PCSK4: variants seen among roughly 807,000 people sequenced by gnomAD.
PCSK4 encodes testicular tissue protein Li 135.
A neutral mutation model predicts 80.3 loss-of-function variants in PCSK4; 64 were observed. The ratio of observed to expected loss-of-function variants is 0.80; its 90% CI spans 0.65 to 0.98. The LOEUF (loss-of-function observed/expected upper bound fraction) is 0.98. Ranked by LOEUF, PCSK4 falls within the 50% of genes least tolerant of loss-of-function variation. The pLI, the probability that PCSK4 is intolerant of heterozygous loss-of-function variation, is 0.00. For missense variants in PCSK4, 1,213 were observed against 1,093.6 expected, an observed-to-expected ratio of 1.11 and a Z score of -1.54; for synonymous variants, 561 against 487.6, an observed-to-expected ratio of 1.15 and a Z score of -1.98.
At chr19:1,489,656 C>G in intron 2 of PCSK4, 137 bp downstream of exon 2, 1 of 1,438,670 alleles carries the variant, frequency 7.0e-7, no homozygotes, top group Non-Finnish European at 9.2e-7. Flanking sequence ...GCTGTATAGA[C>G]TTGGGGCCCG....
At chr19:1,481,850 C>T in exon 15 of PCSK4, 2 of 1,573,804 alleles carry the variant, frequency 1.3e-6, no homozygotes, top group Non-Finnish European at 1.7e-6. Flanking sequence ...CATGGACATG[C>T]CGCAGAGGAC....
chr19:1,483,237 T>C, intron 12 of PCSK4, 47 bp downstream of exon 12: 1 of 1,478,882 alleles, frequency 6.8e-7, no homozygotes, highest in South Asian at 1.3e-5. Flanking sequence ...TGGCAGCGTT[T>C]ACCGACAGGG....
exon 15 of PCSK4, chr19:1,481,747 G>C (rs2084302496): frequency 4.7e-6 from 7 of 1,499,126 alleles, no homozygotes. Context: ...GTCGCTTTCT[G>C]AGCTGACAAC....
At chr19:1,482,693 T>G in intron 13 of PCSK4, 1 of 749,076 alleles carries the variant, frequency 1.3e-6, no homozygotes, top group South Asian at 1.8e-5. Flanking sequence ...GGCACCTACA[T>G]CTCCCGTGTT....
rs747249607 is a variant in PCSK4, at chr19:1,489,772, T to A, written c.294+21A>T. On this transcript the variant is annotated intron_variant, in intron 2 of 14. Coordinates refer to ENST00000300954, the Ensembl canonical transcript of PCSK4. ...GCAGCTGAGACCCCGGGCAGGGGGT[T>A]GGCCTCCAGGCCAGGCTCACCTTGG... is the stretch of plus-strand genomic sequence containing the variant. 16 of 1,596,754 alleles carry A rather than the reference T, an allele frequency of 1.0e-5. No homozygotes were observed. The African/African-American group carries it at 2.0e-4, about 20-fold the overall frequency.
At chr19:1,483,814 C>G in intron 10 of PCSK4, 24 bp downstream of exon 10, 3 of 1,488,366 alleles carry the variant, frequency 2.0e-6, no homozygotes, top group Non-Finnish European at 2.7e-6. Flanking sequence ...CCCGGGTCCC[C>G]GCCCCCGCCC....
chr19:1,490,356 G>A lies in PCSK4; in HGVS notation c.-10C>T. On this transcript the variant is annotated 5_prime_UTR_variant, in exon 1 of 15. Transcript: ENST00000300954. ...TCGGGGCGGGCCGCATGGAGGCGGG[G>A]CGGGAGCGGGGCCTGCGCAAATCCC... 1.8e-6 allele frequency: 2 copies of A among 1,093,282 alleles called. No homozygotes were observed. The highest frequency in any genetic ancestry group is 2.5e-6 in the Non-Finnish European group (2 of 785,596). 67.7% of individuals were successfully genotyped at this position (1,093,282 alleles called of 1,614,324 possible).
chr19:1,482,732 G>C, intron 13 of PCSK4, 164 bp downstream of exon 13: 1 of 808,920 alleles, frequency 1.2e-6, no homozygotes, highest in East Asian at 2.7e-5. Context: ...GCCTGTCATT[G>C]CACACCATCT....
At chr19:1,485,941 G>A (rs973188103) in intron 8 of PCSK4, among the ~76,000 whole-genome samples, 1 of 148,032 alleles carries the variant, frequency 6.8e-6, no homozygotes, top group Non-Finnish European at 1.5e-5. Flanking sequence ...AAAGTGAGCT[G>A]TTGCGCCCGG....
At chr19:1,488,278 C>A in exon 3 of PCSK4, 1 of 1,612,202 alleles carries the variant, frequency 6.2e-7, no homozygotes, top group Non-Finnish European at 8.5e-7. Context: ...GGAACCACTG[C>A]ACCTGCAGAG....
Position 1,482,876 on chromosome 19 carries a change from C to T in PCSK4, c.1696+20G>A, listed in dbSNP as rs1304026943. Reference sequence around the variant, plus strand: ...TTGGAGAGCCAAGCCCCGCCCACCACAGCCCCGCCCCGCCCTCACCCGTGT... The same window carrying T: ...TTGGAGAGCCAAGCCCCGCCCACCATAGCCCCGCCCCGCCCTCACCCGTGT... On this transcript the variant is annotated intron_variant, in intron 13 of 14. Coordinates refer to ENST00000300954, the Ensembl canonical transcript of PCSK4. 6.2e-7 allele frequency: 1 copy of T among 1,604,644 alleles called. No homozygotes were observed. The highest frequency in any genetic ancestry group is 1.1e-5 in the South Asian group (1 of 90,818).
At chr19:1,488,248 C>T in exon 3 of PCSK4, 1 of 1,613,522 alleles carries the variant, frequency 6.2e-7, no homozygotes, top group African/African-American at 1.3e-5. Context: ...GTTTCACCCG[C>T]CGCTGCAGCG....
exon 6 of PCSK4, chr19:1,487,639 A>G (rs2084702942): frequency 2.6e-6 from 4 of 1,554,474 alleles, no homozygotes; most frequent in Non-Finnish European, 3.5e-6. Context: ...CCCACACCAC[A>G]GAAGCCATTG....
intron 11 of PCSK4, 88 bp from the exon 12 acceptor site, chr19:1,483,551 C>G: frequency 1.4e-6 from 2 of 1,411,680 alleles, no homozygotes; most frequent in Non-Finnish European, 1.9e-6. Context: ...TCAGAGGTCA[C>G]GGGGTCCAGC....
rs373488403 is a variant in PCSK4, at chr19:1,487,113, C to T, written c.855+28G>A. 591 of 1,602,250 alleles carry T rather than the reference C, an allele frequency of 3.7e-4. 1 individual carries two copies. The African/African-American group carries it at 6.6e-3, about 18-fold the overall frequency. ...GAGGGGGCGTCGGCCTGGCCTGCCA[C>T]CCCTGCCCTCCTCGGGCTGCCACTC... is the stretch of plus-strand genomic sequence containing the variant. On this transcript the variant is annotated intron_variant, in intron 7 of 14. Coordinates refer to ENST00000300954, the Ensembl canonical transcript of PCSK4.
At chr19:1,483,186 C>T in intron 12 of PCSK4, 98 bp downstream of exon 12, 2 of 1,331,208 alleles carry the variant, frequency 1.5e-6, no homozygotes, top group South Asian at 3.0e-5. Flanking sequence ...CGTGTGACTC[C>T]TATGGGCCTG....
rs1247423256 is a variant in PCSK4 at position 1,482,485 on chromosome 19, G to T, written c.1697-10C>A. 1 of 1,597,018 alleles carries T rather than the reference G, an allele frequency of 6.3e-7. No homozygotes were observed. On this transcript the variant is annotated splice_polypyrimidine_tract_variant and intron_variant, in intron 13 of 14. Transcript: ENST00000300954. ...TAGCGGTACAACGTCCCTGGACAGG[G>T]GTCGCGGGTGGGCACAGGAGGAAAA...
intron 2 of PCSK4, 145 bp downstream of exon 2, chr19:1,489,648 T>C: frequency 7.2e-7 from 1 of 1,383,002 alleles, no homozygotes; most frequent in African/African-American, 1.5e-5. Flanking sequence ...CTCCTCTTGC[T>C]GTATAGACTT....
At chr19:1,487,480 TG>T in intron 6 of PCSK4, 122 bp downstream of exon 6, 1 of 1,036,232 alleles carries the variant, frequency 9.7e-7, no homozygotes, top group Non-Finnish European at 1.4e-6. Flanking sequence ...CCCTGGAGTC[TG>T]GGGCCCTAGC....
Sources: allele counts gnomAD v4.1 joint callset (sites outside exome capture counted in the v4.1 genomes callset), GRCh38; gene constraint gnomAD v4.1.1; transcripts MANE v1.5; gene names NCBI Gene and HGNC (gene_info 2026-07-23, HGNC 2026-07-21).